LUZP2: variants seen among roughly 807,000 people sequenced by gnomAD.
The protein encoded by LUZP2 is leucine zipper protein 2.
A neutral mutation model predicts 51.6 loss-of-function variants in LUZP2; 52 were observed. The observed-to-expected ratio is 1.01, with a 90% CI of 0.81 to 1.27. The LOEUF (loss-of-function observed/expected upper bound fraction) is 1.27. LUZP2 is among the 50% of genes most tolerant of loss of function. The probability of loss-of-function intolerance (pLI) is 0.00; values close to 1 mark genes in which losing one functional copy is unlikely to be tolerated. For synonymous variants in LUZP2, 154 were observed against 137.3 expected (o/e 1.12, Z -0.85); for missense variants, 436 against 395.4 (o/e 1.10, Z -0.87).
At chr11:24,948,333 A>G (rs1479334086) in intron 7 of LUZP2, among the ~76,000 whole-genome samples, 2 of 151,610 alleles carry the variant, frequency 1.3e-5, no homozygotes, top group Non-Finnish European at 3.0e-5. Context: ...TCATACCTTC[A>G]TTTAATTACT....
At position 25,077,327 on chromosome 11, in the gene LUZP2, A is replaced by T; in HGVS notation, c.859-2A>T. 2 of 1,609,914 alleles carry T rather than the reference A, an allele frequency of 1.2e-6. No homozygotes were observed. Among genetic ancestry groups the T allele is most frequent in the Non-Finnish European group, 1.7e-6 (2 of 1,176,776 alleles). On this transcript the variant is annotated splice_acceptor_variant, in intron 10 of 11. Coordinates refer to ENST00000336930, the MANE Select transcript of LUZP2 (RefSeq NM_001009909.4). LOFTEE classifies it high-confidence loss of function. ...ATGTATTTTTAATTGCTACTTTTGTAGGAGGGCAGACCGTGTTCCATGAAG... is the reference window on the plus strand; with the variant it reads ...ATGTATTTTTAATTGCTACTTTTGTTGGAGGGCAGACCGTGTTCCATGAAG...
At chr11:25,030,812 T>G (rs537316564) in intron 9 of LUZP2, among the ~76,000 whole-genome samples, 1 of 145,406 alleles carries the variant, frequency 6.9e-6, no homozygotes, top group Admixed American at 7.3e-5. Flanking sequence ...TTCTAAATAC[T>G]AATCTTTTGA....
At chr11:24,781,799 C>A (rs1292494910) in intron 5 of LUZP2, among the ~76,000 whole-genome samples, 2 of 151,976 alleles carry the variant, frequency 1.3e-5, no homozygotes, top group African/African-American at 2.4e-5. Flanking sequence ...CTTATAATAT[C>A]TTCCTTACCC....
chr11:24,695,922 G>T (rs112594701), intron 1 of LUZP2, among the ~76,000 whole-genome samples: 1 of 151,972 alleles, frequency 6.6e-6, no homozygotes, highest in Non-Finnish European at 1.5e-5. Context: ...GAAAGAATGG[G>T]AAAATAAGGC....
At chr11:24,946,217 T>C (rs912856178) in intron 7 of LUZP2, among the ~76,000 whole-genome samples, 2 of 152,062 alleles carry the variant, frequency 1.3e-5, no homozygotes, top group Non-Finnish European at 2.9e-5. Context: ...TGTTAGAATA[T>C]GGACATTAGC....
rs529144283 is a variant in LUZP2, at chr11:24,850,067, G to C, written c.397-55924G>C. Among the ~76,000 whole-genome samples, 3 of 152,278 alleles carry C rather than the reference G, an allele frequency of 2.0e-5. No individual in the cohort carries two copies. In the South Asian group the frequency reaches 6.2e-4, roughly 32 times the overall value. ...GATTGCAAAATTTTCCTCCCATTCTGTAGGTTGCCTGTTCACTTCGATGAT... is the reference window on the plus strand; with the variant it reads ...GATTGCAAAATTTTCCTCCCATTCTCTAGGTTGCCTGTTCACTTCGATGAT... On this transcript the variant is annotated intron_variant, in intron 5 of 11. Coordinates refer to ENST00000336930, the MANE Select transcript of LUZP2 (RefSeq NM_001009909.4).
intron 1 of LUZP2, among the ~76,000 whole-genome samples, chr11:24,627,131 A>G (rs577528707): frequency 1.7e-4 from 26 of 152,334 alleles, no homozygotes; most frequent in African/African-American, 6.0e-4. Flanking sequence ...ATGTGAGTAC[A>G]CAGATAATAC....
intron 7 of LUZP2, among the ~76,000 whole-genome samples, chr11:24,927,945 C>A (rs778105939): frequency 6.6e-6 from 1 of 151,666 alleles, no homozygotes; most frequent in Non-Finnish European, 1.5e-5. Flanking sequence ...CTTGTAGAGA[C>A]CTTTCACCTC....
At chr11:24,766,282 C>T (rs1013322979) in intron 5 of LUZP2, among the ~76,000 whole-genome samples, 1 of 151,992 alleles carries the variant, frequency 6.6e-6, no homozygotes. Flanking sequence ...ATGTGTATTT[C>T]CTTGCATCAA....
At position 25,022,919 on chromosome 11, in the gene LUZP2, G is replaced by C. The variant is rs889676425; in HGVS notation, c.766-27119G>C. 1.1e-4 allele frequency among the ~76,000 whole-genome samples: 16 copies of C among 152,168 alleles called. No homozygotes were observed. The South Asian group carries it at 2.5e-3, about 24-fold the overall frequency. On this transcript the variant is annotated intron_variant, in intron 9 of 11. Transcript: ENST00000336930. ...CTATTGAGATAATCATGTGATTTTT[G>C]TCTTTGGTTCTGTTTATATGATGGA...
chr11:24,724,451 C>T (rs1322760782), intron 1 of LUZP2, among the ~76,000 whole-genome samples: 2 of 151,762 alleles, frequency 1.3e-5, no homozygotes, highest in South Asian at 2.1e-4. Flanking sequence ...GTGTGTCTAT[C>T]GTCCCAGCTA....
chr11:24,756,010 A>T (rs1859759948), intron 4 of LUZP2, among the ~76,000 whole-genome samples: 2 of 152,226 alleles, frequency 1.3e-5, no homozygotes, highest in Middle Eastern at 3.4e-3. Context: ...TATTCTCTGT[A>T]GAGTCAGCTT....
intron 1 of LUZP2, among the ~76,000 whole-genome samples, chr11:24,541,782 A>C (rs1007117926): frequency 6.6e-6 from 1 of 152,144 alleles, no homozygotes; most frequent in Admixed American, 6.6e-5. Flanking sequence ...ACTGACAAGA[A>C]TAATGATAAG....
At chr11:24,894,223 G>T (rs577224849) in intron 5 of LUZP2, among the ~76,000 whole-genome samples, 88 of 137,722 alleles carry the variant, frequency 6.4e-4, no homozygotes, top group Non-Finnish European at 1.1e-3. Context: ...TACCCAGGCT[G>T]GAGTGCAATG....
intron 5 of LUZP2, among the ~76,000 whole-genome samples, chr11:24,896,353 CG>C (rs1213330673): frequency 6.6e-6 from 1 of 152,106 alleles, no homozygotes; most frequent in East Asian, 1.9e-4. Context: ...TCTGGGTGGG[CG>C]GGGCCTCAGC....
intron 9 of LUZP2, among the ~76,000 whole-genome samples, chr11:25,010,245 T>C (rs544683408): frequency 6.6e-6 from 1 of 152,186 alleles, no homozygotes; most frequent in African/African-American, 2.4e-5. Context: ...CTATGCTCTC[T>C]AAAATAAGTG....
In LUZP2 at chr11:25,051,603, G is replaced by A. The variant is rs535137928; in HGVS notation, c.858+1473G>A. On this transcript the variant is annotated intron_variant, in intron 10 of 11. Coordinates refer to ENST00000336930, the MANE Select transcript of LUZP2 (RefSeq NM_001009909.4). ...GCTAAAAAACAGTACACAAAATGGC[G>A]GGATATGTGCTTACAGCAATCATTG... 1.6e-4 allele frequency among the ~76,000 whole-genome samples: 25 copies of A among 152,242 alleles called. No individual in the cohort carries two copies. In the East Asian group the frequency reaches 4.3e-3, roughly 26 times the overall value.
intron 7 of LUZP2, among the ~76,000 whole-genome samples, chr11:24,935,163 G>C (rs1052682837): frequency 6.6e-6 from 1 of 152,082 alleles, no homozygotes; most frequent in African/African-American, 2.4e-5. Context: ...TTCTTTTCTT[G>C]TGCATCACGT....
chr11:24,925,048 T>C (rs1274932962), intron 7 of LUZP2, among the ~76,000 whole-genome samples: 1 of 152,182 alleles, frequency 6.6e-6, no homozygotes, highest in Admixed American at 6.5e-5. Flanking sequence ...TTACAGAATA[T>C]AGATTTTTTC....
Sources: allele counts gnomAD v4.1 joint callset (sites outside exome capture counted in the v4.1 genomes callset), GRCh38; gene constraint gnomAD v4.1.1; transcripts MANE v1.5; gene names NCBI Gene and HGNC (gene_info 2026-07-23, HGNC 2026-07-21).